FAT4: variants seen among roughly 807,000 people sequenced by gnomAD.
FAT4 encodes the protein protocadherin Fat 4.
FAT4 carries 84 observed loss-of-function variants against 303.9 expected under a neutral mutation model. The ratio of observed to expected loss-of-function variants is 0.28; its 90% confidence interval spans 0.23 to 0.33. The LOEUF (loss-of-function observed/expected upper bound fraction) is 0.33, where lower values mean the gene tolerates loss of function less well. Among genes scored for constraint, FAT4 ranks in the 10% least tolerant of loss-of-function variants. The pLI is 1.00. For synonymous variants in FAT4, 2,307 were observed against 2,298.8 expected (o/e 1.00, Z -0.10); for missense variants, 6,005 against 6,146.8 (o/e 0.98, Z 0.77).
chr4:125,414,795 C>A, intron 5 of FAT4, 89 bp from the exon 6 acceptor site: 1 of 839,348 alleles, frequency 1.2e-6, no homozygotes, highest in Non-Finnish European at 1.9e-6. Flanking sequence ...GCATATCAAA[C>A]ATGCCAAATT....
At chr4:125,370,055 G>A (rs1430245505) in intron 2 of FAT4, among the ~76,000 whole-genome samples, 2 of 151,216 alleles carry the variant, frequency 1.3e-5, no homozygotes, top group African/African-American at 4.9e-5. Context: ...TCCATTGGGC[G>A]TATTGGGTTT....
intron 3 of FAT4, among the ~76,000 whole-genome samples, chr4:125,405,866 T>G (rs558437573): frequency 6.6e-6 from 1 of 152,290 alleles, no homozygotes; most frequent in Non-Finnish European, 1.5e-5. Context: ...ACCATTTTTT[T>G]ATTGGATTAC....
intron 3 of FAT4, among the ~76,000 whole-genome samples, chr4:125,402,627 G>A (rs555845619): frequency 5.9e-5 from 9 of 151,940 alleles, no homozygotes; most frequent in East Asian, 3.9e-4. Flanking sequence ...TAAATATAGC[G>A]GGAATATTTT....
rs1206834717 is a variant in FAT4 at position 125,400,699 on chromosome 4, G to A, written c.5307+1784G>A. The stretch of plus-strand genomic sequence containing the variant: ...TGAATTTTTATTTTATTTCTACTGA[G>A]CTTTGTTTTTTAAGTTTAAAAAAAA... On this transcript the variant is annotated intron_variant, in intron 3 of 17. Coordinates refer to ENST00000394329, the MANE Select transcript of FAT4 (RefSeq NM_001291303.3). Among the ~76,000 whole-genome samples, 6 of 78,354 alleles carry A rather than the reference G, an allele frequency of 7.7e-5. No individual in the cohort carries two copies. In the Admixed American group the frequency reaches 1.1e-3, roughly 14 times the overall value. 51.4% of individuals were successfully genotyped at this position (78,354 alleles called of 152,430 possible). A position where few individuals can be genotyped will look rare whatever the true frequency, so the allele number is the denominator to read the frequency against.
In FAT4 at chr4:125,321,026, C is replaced by T; in HGVS notation, c.4615C>T (p.Pro1539Ser). ...ATCACAAAACGCCCTTGCTGCAGAC[C>T]CATCAGCTGTGATTGGTTCCGTTCT... ...FISQNALAADPSAVIGSVLTT... is the reference protein window; with the variant it reads ...FISQNALAADSSAVIGSVLTT... The change falls in exon 2 of 18, where the codon CCA (proline) becomes TCA (serine). Residue 1539 changes from proline to serine, a missense_variant. Pro to Ser is a moderately conservative substitution (Grantham distance 74). Transcript: ENST00000394329. 6.2e-7 allele frequency: 1 copy of T among 1,614,136 alleles called. No homozygotes were observed. Among genetic ancestry groups the T allele is most frequent in the Non-Finnish European group, 8.5e-7 (1 of 1,180,014 alleles).
In FAT4 at chr4:125,448,693, G is replaced by A; in HGVS notation, c.7683G>A (p.Val2561=). ...TDSTTVTVRF[V]NKADFPKVRA... The stretch of plus-strand genomic sequence containing the variant: ...CTACAACAGTGACTGTTAGATTCGT[G>A]AATAAGGCCGATTTCCCTAAAGTGA... The change falls in exon 10 of 18, where the codon GTG becomes GTA. Residue 2561 remains valine (V), a synonymous_variant. Transcript: ENST00000394329. 1 of 1,613,916 alleles carries A rather than the reference G, an allele frequency of 6.2e-7. No homozygotes were observed. The highest frequency in any genetic ancestry group is 1.1e-5 in the South Asian group (1 of 91,072).
chr4:125,425,754 G>A (rs1046516467), intron 7 of FAT4, among the ~76,000 whole-genome samples: 2 of 152,072 alleles, frequency 1.3e-5, no homozygotes, highest in Non-Finnish European at 2.9e-5. Context: ...AATTAAATAT[G>A]TTATCCTTTA....
chr4:125,490,703 C>T lies in FAT4; in HGVS notation c.13887C>T (p.Ser4629=). The T allele has an allele frequency of 6.2e-7, 1 of 1,614,164 alleles. No individual in the cohort carries two copies. The highest frequency in any genetic ancestry group is 1.1e-5 in the South Asian group (1 of 91,084). Residue 4629 remains serine, a synonymous_variant, in exon 18 of 18, where the codon AGC becomes AGT. Coordinates refer to ENST00000394329, the MANE Select transcript of FAT4 (RefSeq NM_001291303.3). ...IEHYDIDNAS[S]IAPSDADIIQ... ...ACTATGACATTGACAACGCCAGCAG[C>T]ATCGCCCCTTCGGATGCAGACATCA...
At chr4:125,396,495 C>G (rs1283173337) in intron 2 of FAT4, among the ~76,000 whole-genome samples, 2 of 151,938 alleles carry the variant, frequency 1.3e-5, no homozygotes. Context: ...CAATCTAGAC[C>G]TTCCTTACGC....
At chr4:125,395,468 C>T (rs1734133736) in intron 2 of FAT4, among the ~76,000 whole-genome samples, 1 of 152,022 alleles carries the variant, frequency 6.6e-6, no homozygotes, top group African/African-American at 2.4e-5. Context: ...CGCCACCACG[C>T]CCAACTAATT....
rs2125945149 is a variant in FAT4 at position 125,320,895 on chromosome 4, C to T, written c.4484C>T (p.Thr1495Ile). 1.2e-6 allele frequency: 2 copies of T among 1,614,124 alleles called. No homozygotes were observed. Among genetic ancestry groups the T allele is most frequent in the East Asian group, 4.5e-5 (2 of 44,888 alleles). ...GAATTTGCTAATCTCTTTGAGTTGA[C>T]TGTAAAAGCCAATGATCAAGCTGTG... ...DREFANLFEL[T>I]VKANDQAVPI... The change falls in exon 2 of 18, where the codon ACT becomes ATT. Residue 1495 changes from threonine (T) to isoleucine (I), a missense_variant. Physicochemically the swap from Thr to Ile is moderately conservative, Grantham distance 89 (BLOSUM62 -1). Coordinates refer to ENST00000394329, the MANE Select transcript of FAT4 (RefSeq NM_001291303.3).
rs141970529 is a variant in FAT4, at chr4:125,490,434, A to G, written c.13618A>G (p.Lys4540Glu). ...CAGGGGGAAGAAGGCCAAAAATCCCAAAGAGGAGAAGAAACCGAAGGAGAA... is the reference window on the plus strand; with the variant it reads ...CAGGGGGAAGAAGGCCAAAAATCCCGAAGAGGAGAAGAAACCGAAGGAGAA... ...QCRGKKAKNP[K>E]EEKKPKEKKK... Residue 4540 changes from lysine to glutamate, a missense_variant, in exon 18 of 18, where the codon AAA becomes GAA. Transcript: ENST00000394329. The G allele has an allele frequency of 1.2e-6, 2 of 1,614,020 alleles. No homozygotes were observed. Among genetic ancestry groups the G allele is most frequent in the East Asian group, 2.2e-5 (1 of 44,850 alleles).
At position 125,415,396 on chromosome 4, in the gene FAT4, C is replaced by G. The variant is rs972452912; in HGVS notation, c.6433C>G (p.Leu2145Val). ...ATCTACAGAGGTTGTAGTTATGGTA[C>G]TTGACATCAATGATAACAACCCCAT... ...SSSTEVVVMV[L>V]DINDNNPIFA... The change falls in exon 6 of 18, where the codon CTT becomes GTT. Residue 2145 changes from leucine to valine, a missense_variant. Physicochemically the swap from Leu to Val is conservative, Grantham distance 32. Transcript: ENST00000394329. The G allele has an allele frequency of 3.7e-6, 6 of 1,613,890 alleles. No individual in the cohort carries two copies. The highest frequency in any genetic ancestry group is 5.1e-6 in the Non-Finnish European group (6 of 1,179,980).
chr4:125,327,340 G>C lies in FAT4; in HGVS notation c.5175+5754G>C, dbSNP rs144750955. Among the ~76,000 whole-genome samples, 3 of 152,258 alleles carry C rather than the reference G, an allele frequency of 2.0e-5. No individual in the cohort carries two copies. In the East Asian group the frequency reaches 5.8e-4, roughly 29 times the overall value. Reference sequence around the variant, plus strand: ...GTGGAGAATTATTTTTGAATTTTTAGGTGATAAATCATCTTCTTTGGAATA... The same window carrying C: ...GTGGAGAATTATTTTTGAATTTTTACGTGATAAATCATCTTCTTTGGAATA... On this transcript the variant is annotated intron_variant, in intron 2 of 17. Coordinates refer to ENST00000394329, the MANE Select transcript of FAT4 (RefSeq NM_001291303.3).
chr4:125,322,756 G>A (rs922226732), intron 2 of FAT4, among the ~76,000 whole-genome samples: 2 of 151,186 alleles, frequency 1.3e-5, no homozygotes, highest in African/African-American at 4.9e-5. Context: ...TGTATCCTCT[G>A]TGATTTTTTT....
At chr4:125,403,780 C>CT (rs547538389) in intron 3 of FAT4, among the ~76,000 whole-genome samples, 242 of 152,004 alleles carry the variant, frequency 1.6e-3, no homozygotes, top group African/African-American at 4.7e-3. Context: ...TTTAAAAAGA[C>CT]TTTTTTTTCT....
At chr4:125,437,909 TTTAAG>T (rs1184457364) in intron 8 of FAT4, among the ~76,000 whole-genome samples, 3 of 152,140 alleles carry the variant, frequency 2.0e-5, no homozygotes, top group Non-Finnish European at 4.4e-5. Flanking sequence ...AGTAAAATAA[TTTAAG>T]TGAGCTGGTT....
intron 3 of FAT4, among the ~76,000 whole-genome samples, chr4:125,404,632 T>A (rs1011051872): frequency 6.6e-6 from 1 of 152,162 alleles, no homozygotes; most frequent in East Asian, 1.9e-4. Context: ...TACAATACAG[T>A]ATTGTTAACT....
At chr4:125,413,775 G>T (rs1234554584) in intron 5 of FAT4, among the ~76,000 whole-genome samples, 5 of 151,944 alleles carry the variant, frequency 3.3e-5, no homozygotes, top group Non-Finnish European at 4.4e-5. Flanking sequence ...GAGTAAAAGG[G>T]TGATTAAATT....
Sources: gnomAD v4.1 joint callset for allele counts (sites outside exome capture counted in the v4.1 genomes callset) on GRCh38, gnomAD v4.1.1 for gene constraint, MANE v1.5 for transcripts, NCBI Gene and HGNC (gene_info 2026-07-23, HGNC 2026-07-21) for gene names.